Variants in SCN11A observed in about 807,000 individuals in gnomAD.
The protein encoded by SCN11A is sodium voltage-gated channel alpha subunit 11.
A neutral mutation model predicts 162.2 loss-of-function variants in SCN11A; 122 were observed. The ratio of observed to expected loss-of-function variants is 0.75; its 90% CI spans 0.65 to 0.87. SCN11A has a LOEUF of 0.87. SCN11A is among the 40% of genes least tolerant of loss of function. The pLI, the probability that SCN11A is intolerant of heterozygous loss-of-function variation, is 0.00. For missense variants in SCN11A, 2,015 were observed against 2,181.6 expected (o/e 0.92, Z 1.52); for synonymous variants, 758 against 751.5 (o/e 1.01, Z -0.14).
intron 5 of SCN11A, among the ~76,000 whole-genome samples, chr3:38,948,308 G>T (rs532242918): frequency 1.8e-4 from 27 of 152,230 alleles, no homozygotes; most frequent in African/African-American, 6.0e-4. Context: ...CTTTGATTTT[G>T]ATATTTTATT....
intron 2 of SCN11A, among the ~76,000 whole-genome samples, chr3:39,016,533 T>C (rs1391841185): frequency 6.6e-6 from 1 of 152,232 alleles, no homozygotes; most frequent in East Asian, 1.9e-4. Context: ...TAGTGATAAA[T>C]GCTTTCAGCC....
chr3:39,001,064 C>T (rs757879003), intron 2 of SCN11A, among the ~76,000 whole-genome samples: 7 of 152,280 alleles, frequency 4.6e-5, no homozygotes, highest in East Asian at 1.9e-4. Context: ...ACAAAATCCA[C>T]GATTATGCCA....
rs10578149 is a variant in SCN11A, at chr3:38,981,537, T to TTGTGTGTGTGTGTGTG, written c.-279-21130_-279-21115dup. On this transcript the variant is annotated intron_variant, in intron 2 of 29. Transcript: ENST00000302328. ...GTGTTTCTGTGTTGTGTGTGTGTGT[T>TTGTGTGTGTGTGTGTG]TGTGTGTGTGTGTGTGTGTGTGTGT... Among the ~76,000 whole-genome samples, 369 of 145,960 alleles carry TTGTGTGTGTGTGTGTG rather than the reference T, an allele frequency of 2.5e-3. 1 individual carries two copies. Among genetic ancestry groups the TTGTGTGTGTGTGTGTG allele is most frequent in the Middle Eastern group, 6.9e-3 (2 of 288 alleles).
At chr3:38,908,801 G>T (rs949679276) in intron 13 of SCN11A, among the ~76,000 whole-genome samples, 196 bp downstream of exon 13, 1 of 152,126 alleles carries the variant, frequency 6.6e-6, no homozygotes, top group Non-Finnish European at 1.5e-5. Context: ...GTTTTGAAGG[G>T]CCTGGTGCCT....
At chr3:38,873,993 A>C (rs1294121062) in intron 23 of SCN11A, among the ~76,000 whole-genome samples, 4 of 152,106 alleles carry the variant, frequency 2.6e-5, no homozygotes, top group Admixed American at 1.3e-4. Flanking sequence ...ATTATGCAAA[A>C]CAGTACACTG....
At position 39,051,897 on chromosome 3, in the gene SCN11A, G is replaced by T; in HGVS notation, c.-440C>A. The T allele has an allele frequency of 1.8e-6, 2 of 1,139,902 alleles. No individual in the cohort carries two copies. Among genetic ancestry groups the T allele is most frequent in the Middle Eastern group, 2.0e-4 (1 of 5,060 alleles). The allele number at this position is 1,139,902 out of a possible 1,614,324, so 70.6% of individuals were successfully genotyped here. On this transcript the variant is annotated 5_prime_UTR_variant, in exon 1 of 30. The change creates a new upstream start codon in the 5' untranslated region. Transcript: ENST00000302328. ...GCTACCGGCCACACAGCAACTAACAGCACCGAGGAAACACAACAGCCTGTT... is the reference window on the plus strand; with the variant it reads ...GCTACCGGCCACACAGCAACTAACATCACCGAGGAAACACAACAGCCTGTT...
intron 2 of SCN11A, among the ~76,000 whole-genome samples, chr3:39,010,588 C>T (rs2031103551): frequency 6.6e-6 from 1 of 152,048 alleles, no homozygotes; most frequent in Admixed American, 6.5e-5. Context: ...CTGTGTTAGC[C>T]AGGATGGTCT....
At chr3:38,978,451 G>T (rs2066862202) in intron 2 of SCN11A, among the ~76,000 whole-genome samples, 1 of 152,136 alleles carries the variant, frequency 6.6e-6, no homozygotes, top group African/African-American at 2.4e-5. Context: ...TTCAAGACCA[G>T]TCTGGCCAAC....
At chr3:38,993,114 A>G (rs1263820801) in intron 2 of SCN11A, among the ~76,000 whole-genome samples, 1 of 152,210 alleles carries the variant, frequency 6.6e-6, no homozygotes, top group Non-Finnish European at 1.5e-5. Flanking sequence ...TCTGCCTCAG[A>G]TTACCTGTGA....
intron 7 of SCN11A, among the ~76,000 whole-genome samples, chr3:38,938,568 T>A (rs2066390950): frequency 1.1e-5 from 1 of 87,420 alleles, no homozygotes; most frequent in African/African-American, 4.7e-5. Flanking sequence ...TTTTTTTTTT[T>A]TTTTTTTTTT....
intron 2 of SCN11A, among the ~76,000 whole-genome samples, chr3:38,985,218 C>T (rs2030193645): frequency 6.8e-6 from 1 of 148,060 alleles, no homozygotes; most frequent in Non-Finnish European, 1.5e-5. Context: ...AGCTCTGCCT[C>T]CCGGGTTTAT....
At chr3:38,935,519 A>G (rs2066316580) in intron 7 of SCN11A, among the ~76,000 whole-genome samples, 1 of 152,210 alleles carries the variant, frequency 6.6e-6, no homozygotes, top group African/African-American at 2.4e-5. Flanking sequence ...AATCAAATAG[A>G]AGCAATAAAA....
chr3:39,048,803 G>A (rs1654257656), intron 1 of SCN11A, among the ~76,000 whole-genome samples: 1 of 152,148 alleles, frequency 6.6e-6, no homozygotes, highest in South Asian at 2.1e-4. Flanking sequence ...TTCTTCTTCG[G>A]GATGCTCATC....
chr3:38,941,374 C>CA (rs1174870809), intron 7 of SCN11A, among the ~76,000 whole-genome samples: 1 of 151,976 alleles, frequency 6.6e-6, no homozygotes, highest in Non-Finnish European at 1.5e-5. Flanking sequence ...AATGGGTTGC[C>CA]AACAGAACTG....
intron 2 of SCN11A, among the ~76,000 whole-genome samples, chr3:39,021,492 G>T (rs1196430580): frequency 6.6e-6 from 1 of 152,136 alleles, no homozygotes; most frequent in Non-Finnish European, 1.5e-5. Flanking sequence ...TGGGGAACTG[G>T]GATGAAAAGG....
At chr3:39,047,642 AAT>A (rs1204054735) in intron 1 of SCN11A, among the ~76,000 whole-genome samples, 4 of 152,290 alleles carry the variant, frequency 2.6e-5, no homozygotes, top group Non-Finnish European at 5.9e-5. Flanking sequence ...ACAAGGAATT[AAT>A]ATCCAGGAAG....
At chr3:38,850,369 A>C in intron 29 of SCN11A, 112 bp downstream of exon 29, 1 of 954,410 alleles carries the variant, frequency 1.0e-6, no homozygotes, top group East Asian at 2.4e-5. Flanking sequence ...CAGAAAGTAC[A>C]CTTGGCCCAG....
At chr3:38,905,503 G>T (rs1484736029) in intron 14 of SCN11A, among the ~76,000 whole-genome samples, 182 bp from the exon 15 acceptor site, 1 of 152,198 alleles carries the variant, frequency 6.6e-6, no homozygotes, top group African/African-American at 2.4e-5. Flanking sequence ...TAACAAATAA[G>T]AGAAATCTGG....
Position 38,872,392 on chromosome 3 carries a change from T to C in SCN11A, c.3394-98A>G, listed in dbSNP as rs2065143454. On this transcript the variant is annotated intron_variant, in intron 23 of 29. Transcript: ENST00000302328. The stretch of plus-strand genomic sequence containing the variant: ...CTACCAAAGCTACAGTCCATAAACG[T>C]GGGAACAATGCACTCACGTTATTTG... The C allele has an allele frequency of 1.9e-5, 13 of 696,572 alleles. 1 individual carries two copies. In the South Asian group the frequency reaches 1.9e-4, roughly 10 times the overall value. 43.1% of individuals were successfully genotyped at this position (696,572 alleles called of 1,614,324 possible). A position where few individuals can be genotyped will look rare whatever the true frequency, so the allele number is the denominator to read the frequency against.
Sources: gnomAD v4.1 joint callset for allele counts (sites outside exome capture counted in the v4.1 genomes callset) on GRCh38, gnomAD v4.1.1 for gene constraint, MANE v1.5 for transcripts, NCBI Gene and HGNC (gene_info 2026-07-23, HGNC 2026-07-21) for gene names.